KCNN1: variants seen among roughly 807,000 people sequenced by gnomAD.
KCNN1 encodes potassium calcium-activated channel subfamily N member 1, also known as small conductance calcium-activated potassium channel protein 1.
Under a neutral mutation model 44.7 loss-of-function variants are expected in KCNN1, and 20 were observed. The observed-to-expected ratio is 0.45, with a 90% CI of 0.32 to 0.65. KCNN1 has a LOEUF of 0.65. KCNN1 is among the 30% of genes least tolerant of loss of function. The pLI is 0.05. For synonymous variants in KCNN1, 324 were observed against 341.7 expected, an observed-to-expected ratio of 0.95 and a Z score of 0.57; for missense variants, 632 against 785.3, an observed-to-expected ratio of 0.80 and a Z score of 2.33.
At chr19:17,967,484 G>A (rs1295547766) in intron 1 of KCNN1, among the ~76,000 whole-genome samples, 167 bp downstream of exon 1, 4 of 152,130 alleles carry the variant, frequency 2.6e-5, no homozygotes, top group African/African-American at 9.7e-5. Flanking sequence ...TGGGGGGAAT[G>A]AATGCATGTA....
rs1199303718 is a variant in KCNN1 at position 17,998,496 on chromosome 19, C to T, written c.*90C>T. 6 of 1,298,008 alleles carry T rather than the reference C, an allele frequency of 4.6e-6. No homozygotes were observed. The highest frequency in any genetic ancestry group is 6.1e-6 in the Non-Finnish European group (6 of 979,200). 80.4% of individuals were successfully genotyped at this position (1,298,008 alleles called of 1,614,324 possible). On this transcript the variant is annotated 3_prime_UTR_variant, in exon 10 of 10. Transcript: ENST00000684775. The surrounding 1 kb of genome is among the most constrained non-coding windows in gnomAD (Gnocchi z 5.4). Reference sequence around the variant, plus strand: ...TTGTACAGTGGCGCCTCTTGGAGTTCAAGAAGCCAACGCTGAGTCAGGCTG... The same window carrying T: ...TTGTACAGTGGCGCCTCTTGGAGTTTAAGAAGCCAACGCTGAGTCAGGCTG...
chr19:17,989,987 A>T, intron 7 of KCNN1, 144 bp downstream of exon 7: 1 of 1,152,196 alleles, frequency 8.7e-7, no homozygotes, highest in Non-Finnish European at 1.3e-6. Context: ...AGCTGGGTGG[A>T]TGGGAGGATC....
upstream of KCNN1, among the ~76,000 whole-genome samples, chr19:17,962,379 A>AT (rs1266450342): frequency 6.6e-6 from 1 of 152,132 alleles, no homozygotes; most frequent in Non-Finnish European, 1.5e-5. Context: ...CTCCCCTCCC[A>AT]TCCTGTGCCC....
At chr19:17,959,000 C>CTATTTATT (rs35942195) in intron 2 of KCNN1, among the ~76,000 whole-genome samples, 326 of 143,514 alleles carry the variant, frequency 2.3e-3, no homozygotes, top group African/African-American at 2.9e-3. Context: ...ACGTCCAGCC[C>CTATTTATT]TATTTATTTA....
intron 1 of KCNN1, among the ~76,000 whole-genome samples, chr19:17,952,677 GC>G (rs2145893660): frequency 6.6e-6 from 1 of 152,208 alleles, no homozygotes; most frequent in African/African-American, 2.4e-5. Flanking sequence ...GGTTCCCGTT[GC>G]CCCCTCCTCC....
At chr19:17,994,318 G>A (rs994917310) in intron 9 of KCNN1, among the ~76,000 whole-genome samples, 4 of 151,740 alleles carry the variant, frequency 2.6e-5, no homozygotes, top group African/African-American at 9.7e-5. Context: ...ATGGTGGTGA[G>A]TGCCTGTAGT....
Position 17,967,142 on chromosome 19 carries a change from G to A in KCNN1, c.-257G>A. On this transcript the variant is annotated 5_prime_UTR_variant, in exon 1 of 10. Coordinates refer to ENST00000684775, the MANE Select transcript of KCNN1 (RefSeq NM_001386974.1). ...CCCCCGCCGGGCCCGTGGACTGGGC[G>A]GCGGGGGATGCGCCTGCCGCCGCCG... 5 of 972,008 alleles carry A rather than the reference G, an allele frequency of 5.1e-6. No homozygotes were observed. Among genetic ancestry groups the A allele is most frequent in the Non-Finnish European group, 6.1e-6 (5 of 820,244 alleles). The allele number at this position is 972,008 out of a possible 1,614,324, so 60.2% of individuals were successfully genotyped here.
chr19:17,971,487 A>T (rs1320735785), intron 1 of KCNN1, among the ~76,000 whole-genome samples: 3 of 149,794 alleles, frequency 2.0e-5, no homozygotes, highest in Admixed American at 1.3e-4. Flanking sequence ...TTTGAGACGG[A>T]GTTTTGCTCT....
intron 2 of KCNN1, among the ~76,000 whole-genome samples, chr19:17,956,632 G>A (rs1260406749): frequency 6.6e-6 from 1 of 151,782 alleles, no homozygotes; most frequent in Non-Finnish European, 1.5e-5. Flanking sequence ...TGTGGTCCCA[G>A]CTACTCTGGA....
chr19:17,975,045 C>T (rs1484036243), intron 2 of KCNN1, 47 bp from the exon 3 acceptor site: 1 of 1,517,388 alleles, frequency 6.6e-7, no homozygotes, highest in South Asian at 1.1e-5. Flanking sequence ...GGGCCGCCGG[C>T]CCACCGCCTC....
chr19:17,991,523 G>C (rs1311874673), intron 7 of KCNN1, among the ~76,000 whole-genome samples: 3 of 151,802 alleles, frequency 2.0e-5, no homozygotes, highest in Non-Finnish European at 4.4e-5. Context: ...GAGGCAGGTG[G>C]ATCCCCTGAT....
At chr19:17,995,100 C>T (rs1415840789) in intron 9 of KCNN1, among the ~76,000 whole-genome samples, 1 of 152,130 alleles carries the variant, frequency 6.6e-6, no homozygotes, top group Non-Finnish European at 1.5e-5. Flanking sequence ...GGACTCACTT[C>T]CTCCATCACT....
chr19:17,993,527 G>A lies in KCNN1; in HGVS notation c.1345G>A (p.Asp449Asn), dbSNP rs373215326. Residue 449 changes from aspartate (D) to asparagine (N), a missense_variant, in exon 9 of 10, where the codon GAC (aspartate) becomes AAC (asparagine). This residue lies in a region of KCNN1 where 237 missense variants were observed against 253.0 expected (regional missense o/e 0.94). Transcript: ENST00000684775. The surrounding 1 kb of genome is among the most constrained non-coding windows in gnomAD (Gnocchi z 4.5). ...SVKIEQGKLN[D>N]QANTLTDLAK... The stretch of plus-strand genomic sequence containing the variant: ...GAAGATCGAGCAAGGGAAGCTGAAC[G>A]ACCAGGCTAACACGCTTACCGACCT... 154 of 1,613,546 alleles carry A rather than the reference G, an allele frequency of 9.5e-5. No homozygotes were observed. Among genetic ancestry groups the A allele is most frequent in the Non-Finnish European group, 1.2e-4 (142 of 1,179,816 alleles).
chr19:17,961,104 T>G (rs1028723350), intron 2 of KCNN1, among the ~76,000 whole-genome samples: 2 of 147,498 alleles, frequency 1.4e-5, no homozygotes, highest in Admixed American at 7.1e-5. Context: ...GAGAATTGCG[T>G]GAACCCAGGA....
At chr19:17,977,485 C>T (rs2145934041) in intron 3 of KCNN1, among the ~76,000 whole-genome samples, 1 of 152,058 alleles carries the variant, frequency 6.6e-6, no homozygotes, top group Non-Finnish European at 1.5e-5. Flanking sequence ...GGATTACAAG[C>T]ACTTGCCACC....
intron 9 of KCNN1, among the ~76,000 whole-genome samples, chr19:17,997,393 G>A (rs1307978465): frequency 6.6e-6 from 1 of 152,122 alleles, no homozygotes; most frequent in Non-Finnish European, 1.5e-5. Flanking sequence ...CACTGCCTGT[G>A]GCTATGTGTG....
intron 4 of KCNN1, among the ~76,000 whole-genome samples, chr19:17,984,175 A>T (rs1410010852): frequency 6.6e-6 from 1 of 151,444 alleles, no homozygotes; most frequent in Non-Finnish European, 1.5e-5. Context: ...AAAAAAAAAA[A>T]GATAGGGTCA....
At chr19:17,996,526 A>C (rs571748053) in intron 9 of KCNN1, among the ~76,000 whole-genome samples, 1 of 152,224 alleles carries the variant, frequency 6.6e-6, no homozygotes, top group South Asian at 2.1e-4. Flanking sequence ...GAGTCGCTTG[A>C]ACCCAGGAGG....
At chr19:17,968,431 G>T (rs1194672393) in intron 1 of KCNN1, among the ~76,000 whole-genome samples, 1 of 151,650 alleles carries the variant, frequency 6.6e-6, no homozygotes, top group Non-Finnish European at 1.5e-5. Context: ...GGGGTGGGGG[G>T]GAGGCACCAT....
Sources: allele counts gnomAD v4.1 joint callset (sites outside exome capture counted in the v4.1 genomes callset), GRCh38; gene constraint gnomAD v4.1.1; regional missense constraint gnomAD v4.1.1; non-coding constraint Gnocchi (gnomAD v3.1); transcripts MANE v1.5; gene names NCBI Gene and HGNC (gene_info 2026-07-23, HGNC 2026-07-21).